The following ATP1A4 variants were observed in gnomAD, a reference collection of about 807,000 sequenced individuals.
The protein encoded by ATP1A4 is ATPase Na+/K+ transporting subunit alpha 4.
Under a neutral mutation model 114.3 loss-of-function variants are expected in ATP1A4, and 90 were observed. That is an observed-to-expected ratio of 0.79 (90% CI 0.66 to 0.94). ATP1A4 has a LOEUF of 0.94. Ranked by LOEUF, ATP1A4 falls within the 40% of genes least tolerant of loss-of-function variation. The pLI is 0.00. For missense variants in ATP1A4, 1,222 were observed against 1,313.6 expected (o/e 0.93, Z 1.08); for synonymous variants, 511 against 494.1 (o/e 1.03, Z -0.45).
intron 6 of ATP1A4, among the ~76,000 whole-genome samples, chr1:160,161,676 T>C (rs1211678386): frequency 6.6e-6 from 1 of 152,236 alleles, no homozygotes; most frequent in Non-Finnish European, 1.5e-5. Flanking sequence ...TCTCAAGTAT[T>C]TCAGCATCTT....
At chr1:160,179,715 T>C (rs1653612338) in intron 18 of ATP1A4, among the ~76,000 whole-genome samples, 1 of 152,228 alleles carries the variant, frequency 6.6e-6, no homozygotes. Context: ...CCAGGTACTG[T>C]TCTAGGGCCT....
intron 21 of ATP1A4, 99 bp from the exon 22 acceptor site, chr1:160,186,572 T>G: frequency 2.8e-6 from 4 of 1,409,786 alleles, no homozygotes; most frequent in South Asian, 1.2e-5. Flanking sequence ...GTTCCAGACC[T>G]CCCACCTCCA....
chr1:160,186,086 C>CAAAAAAAAAAAAAAAAA lies in ATP1A4; in HGVS notation c.2970-184_2970-168dup, dbSNP rs527303426. 8.3e-3 allele frequency among the ~76,000 whole-genome samples: 273 copies of CAAAAAAAAAAAAAAAAA among 32,772 alleles called. 54 individuals are homozygous for CAAAAAAAAAAAAAAAAA. The highest frequency in any genetic ancestry group is 0.031 in the Middle Eastern group (1 of 32). 21.5% of individuals were successfully genotyped at this position (32,772 alleles called of 152,430 possible). A position where few individuals can be genotyped will look rare whatever the true frequency, so the allele number is the denominator to read the frequency against. ...TGGGCAACAGAACAAGACTCTGTCG[C>CAAAAAAAAAAAAAAAAA]AAAAAAAAAAAAAAAAAAAAAAGGG... On this transcript the variant is annotated intron_variant, in intron 20 of 21. Transcript: ENST00000368081.
At chr1:160,186,210 G>A in intron 20 of ATP1A4, 66 bp from the exon 21 acceptor site, 1 of 1,078,720 alleles carries the variant, frequency 9.3e-7, no homozygotes, top group Non-Finnish European at 1.4e-6. Context: ...CCTGTGCATT[G>A]CCCTCTGCAC....
intron 16 of ATP1A4, 53 bp downstream of exon 16, chr1:160,176,299 C>G: frequency 1.9e-6 from 3 of 1,608,622 alleles, no homozygotes; most frequent in Non-Finnish European, 2.6e-6. Context: ...CTCCTAAGCT[C>G]CCTGCTTTCT....
chr1:160,177,232 G>A (rs1032814124), intron 17 of ATP1A4, among the ~76,000 whole-genome samples: 6 of 152,154 alleles, frequency 3.9e-5, no homozygotes, highest in African/African-American at 1.4e-4. Context: ...AAAAAATTGG[G>A]AGAGGGAATC....
chr1:160,157,496 G>T (rs1427877896), intron 4 of ATP1A4, among the ~76,000 whole-genome samples: 2 of 152,196 alleles, frequency 1.3e-5, no homozygotes, highest in African/African-American at 4.8e-5. Context: ...CTCCACCAAA[G>T]ATAATGCGTT....
At chr1:160,170,940 A>G (rs1263243920) in intron 10 of ATP1A4, 5 of 250,024 alleles carry the variant, frequency 2.0e-5, no homozygotes, top group Non-Finnish European at 3.0e-5. Flanking sequence ...CAGCCCCACT[A>G]TTTCTGCTCT....
intron 18 of ATP1A4, among the ~76,000 whole-genome samples, chr1:160,178,653 A>C (rs928714085): frequency 3.3e-4 from 50 of 151,812 alleles, no homozygotes; most frequent in African/African-American, 1.2e-3. Context: ...CCAGCCTGGC[A>C]ACAGAGCGAG....
chr1:160,171,548 T>C (rs760331450), intron 11 of ATP1A4, 37 bp from the exon 12 acceptor site: 39 of 1,606,294 alleles, frequency 2.4e-5, no homozygotes, highest in Non-Finnish European at 3.1e-5. Context: ...TGTAGAGTGC[T>C]GGATGACTAC....
chr1:160,180,839 C>T (rs950530767), intron 18 of ATP1A4, among the ~76,000 whole-genome samples: 1 of 151,906 alleles, frequency 6.6e-6, no homozygotes, highest in African/African-American at 2.4e-5. Flanking sequence ...CTCAGCCTCC[C>T]GAGCAGCTGG....
In ATP1A4 at chr1:160,174,807, G is replaced by A. The variant is rs1653404400; in HGVS notation, c.2311+60G>A. On this transcript the variant is annotated intron_variant, in intron 15 of 21. Coordinates refer to ENST00000368081, the MANE Select transcript of ATP1A4 (RefSeq NM_144699.4). ...ACCCTGGACTCAGGTGGGGGTTGGTGTACATCCCCTCTTTCCGTTTTCCCA... is the reference window on the plus strand; with the variant it reads ...ACCCTGGACTCAGGTGGGGGTTGGTATACATCCCCTCTTTCCGTTTTCCCA... 6 of 1,601,738 alleles carry A rather than the reference G, an allele frequency of 3.7e-6. No homozygotes were observed. In the Admixed American group the frequency reaches 1.0e-4, roughly 27 times the overall value.
At chr1:160,171,184 C>G in intron 10 of ATP1A4, 67 bp from the exon 11 acceptor site, 3 of 1,418,332 alleles carry the variant, frequency 2.1e-6, no homozygotes, top group Non-Finnish European at 2.9e-6. Context: ...GAAACCTTCC[C>G]CTTCTTTTTG....
intron 17 of ATP1A4, among the ~76,000 whole-genome samples, chr1:160,177,093 A>G (rs1187388825): frequency 6.6e-6 from 1 of 152,190 alleles, no homozygotes; most frequent in Non-Finnish European, 1.5e-5. Context: ...CAGAGATATC[A>G]TTTGTGTTGG....
chr1:160,151,941 C>T lies in ATP1A4; in HGVS notation c.-100C>T, dbSNP rs115248829. ...CATTCTCTCCCCACCACTCTCTTCT[C>T]GTGGCCCCCTTGCCCGCGCGCCCTC... On this transcript the variant is annotated 5_prime_UTR_variant, in exon 1 of 22. Transcript: ENST00000368081. The T allele has an allele frequency of 1.1e-4, 147 of 1,380,932 alleles. No individual in the cohort carries two copies. The African/African-American group carries it at 1.8e-3, about 17-fold the overall frequency. The allele number at this position is 1,380,932 out of a possible 1,614,324, so 85.5% of individuals were successfully genotyped here.
intron 15 of ATP1A4, 76 bp from the exon 16 acceptor site, chr1:160,176,016 C>T: frequency 1.3e-6 from 2 of 1,484,016 alleles, no homozygotes; most frequent in Non-Finnish European, 1.9e-6. Flanking sequence ...TTGAGGTGGC[C>T]TGTCTGTCCC....
In ATP1A4 at chr1:160,167,098, A is replaced by G. The variant is rs201726815; in HGVS notation, c.1356+21A>G. The G allele has an allele frequency of 1.5e-4, 244 of 1,610,068 alleles. 1 individual carries two copies. In the East Asian group the frequency reaches 5.4e-3, roughly 36 times the overall value. On this transcript the variant is annotated intron_variant, in intron 9 of 21. Transcript: ENST00000368081. ...CTAAGGTGTCAGGCCCAAGGGGAAG[A>G]GGGTACCTCAGTGTCCAGGGTGTAA...
At chr1:160,158,229 A>C (rs774222292) in intron 4 of ATP1A4, among the ~76,000 whole-genome samples, 18 of 152,176 alleles carry the variant, frequency 1.2e-4, no homozygotes, top group Non-Finnish European at 4.4e-5. Flanking sequence ...GACCTCATCC[A>C]CATGTCTGGG....
intron 7 of ATP1A4, 143 bp downstream of exon 7, chr1:160,164,567 T>A (rs1652970010): frequency 4.5e-6 from 4 of 880,026 alleles, no homozygotes; most frequent in Non-Finnish European, 7.0e-6. Flanking sequence ...AATTTAGCTC[T>A]CAATATTACA....
Sources: allele counts gnomAD v4.1 joint callset (sites outside exome capture counted in the v4.1 genomes callset), GRCh38; gene constraint gnomAD v4.1.1; transcripts MANE v1.5; gene names NCBI Gene and HGNC (gene_info 2026-07-23, HGNC 2026-07-21).